Variants in ZFAND6 observed in about 807,000 individuals in gnomAD.
ZFAND6 encodes AN1-type zinc finger protein 6.
A neutral mutation model predicts 24.5 loss-of-function variants in ZFAND6; 12 were observed. The ratio of observed to expected loss-of-function variants is 0.49; its 90% confidence interval spans 0.31 to 0.79. The LOEUF (loss-of-function observed/expected upper bound fraction) is 0.79. Among genes scored for constraint, ZFAND6 ranks in the 30% least tolerant of loss-of-function variants. ZFAND6 has a pLI of 0.04. For synonymous variants in ZFAND6, 92 were observed against 81.5 expected (o/e 1.13, Z -0.69); for missense variants, 207 against 245.9 (o/e 0.84, Z 1.06).
At chr15:80,062,855 C>A (rs999465079) in intron 1 of ZFAND6, among the ~76,000 whole-genome samples, 9 of 152,114 alleles carry the variant, frequency 5.9e-5, no homozygotes, top group East Asian at 1.9e-4. Context: ...TGTGTGTATT[C>A]TTAATATCCT....
At chr15:80,065,757 C>G (rs893675620) in intron 1 of ZFAND6, among the ~76,000 whole-genome samples, 2 of 151,688 alleles carry the variant, frequency 1.3e-5, no homozygotes, top group African/African-American at 4.8e-5. Flanking sequence ...GTTGGCCAAG[C>G]TGGTCTCGAA....
intron 1 of ZFAND6, among the ~76,000 whole-genome samples, chr15:80,094,143 G>A (rs1394933723): frequency 2.6e-5 from 4 of 152,186 alleles, no homozygotes; most frequent in Non-Finnish European, 5.9e-5. Flanking sequence ...TGCTTACCAG[G>A]TTTTATTTTG....
At chr15:80,069,862 C>T (rs1330066928) in intron 1 of ZFAND6, among the ~76,000 whole-genome samples, 1 of 152,098 alleles carries the variant, frequency 6.6e-6, no homozygotes, top group Non-Finnish European at 1.5e-5. Flanking sequence ...CTGCCTCTGC[C>T]TCCGAAAGTG....
intron 1 of ZFAND6, among the ~76,000 whole-genome samples, chr15:80,062,984 C>T (rs1338109313): frequency 6.6e-6 from 1 of 152,166 alleles, no homozygotes; most frequent in African/African-American, 2.4e-5. Flanking sequence ...TCATCTGTTA[C>T]CATTGCTTCA....
At chr15:80,110,211 T>C (rs533322986) in intron 2 of ZFAND6, among the ~76,000 whole-genome samples, 2 of 152,076 alleles carry the variant, frequency 1.3e-5, no homozygotes, top group South Asian at 4.1e-4. Flanking sequence ...ACTGATAAAA[T>C]GTGGGAAGGA....
chr15:80,137,472 A>C lies in ZFAND6; in HGVS notation c.479-8A>C. On this transcript the variant is annotated splice_polypyrimidine_tract_variant and splice_region_variant and intron_variant, in intron 6 of 6. Transcript: ENST00000261749. ...TCAACTCATGTATGTGTATTACTCC[A>C]TTTCCAGGGTTTGAATGCCGGTGTG... 6.2e-7 allele frequency: 1 copy of C among 1,600,740 alleles called. No homozygotes were observed. The highest frequency in any genetic ancestry group is 8.5e-7 in the Non-Finnish European group (1 of 1,176,372).
At chr15:80,124,716 C>G (rs1474611922) in intron 5 of ZFAND6, among the ~76,000 whole-genome samples, 1 of 152,116 alleles carries the variant, frequency 6.6e-6, no homozygotes, top group Non-Finnish European at 1.5e-5. Flanking sequence ...ATTTTTCATA[C>G]ATGATTTGAA....
At chr15:80,077,993 C>A (rs1450401931) in intron 1 of ZFAND6, among the ~76,000 whole-genome samples, 2 of 152,108 alleles carry the variant, frequency 1.3e-5, no homozygotes, top group South Asian at 2.1e-4. Context: ...GCCACCGCGC[C>A]CGGCTTTCAA....
At chr15:80,065,541 T>TTTTTTTTC (rs2036583392) in intron 1 of ZFAND6, among the ~76,000 whole-genome samples, 1 of 29,710 alleles carries the variant, frequency 3.4e-5, no homozygotes, top group Non-Finnish European at 1.2e-4. Flanking sequence ...GTTTTGATTT[T>TTTTTTTTC]TTTTTTTTTT....
chr15:80,073,883 G>A (rs1490313494), intron 1 of ZFAND6, among the ~76,000 whole-genome samples: 5 of 151,606 alleles, frequency 3.3e-5, no homozygotes, highest in Admixed American at 6.6e-5. Context: ...CTAATTTTTC[G>A]TCATTTTTAA....
At chr15:80,112,774 A>G (rs766681943) in intron 2 of ZFAND6, 21 of 455,958 alleles carry the variant, frequency 4.6e-5, no homozygotes, top group Non-Finnish European at 8.4e-5. Context: ...CCCATGTGAT[A>G]GTTGGAGATC....
intron 6 of ZFAND6, among the ~76,000 whole-genome samples, chr15:80,136,778 A>G (rs1185300086): frequency 6.6e-6 from 1 of 152,240 alleles, no homozygotes; most frequent in Non-Finnish European, 1.5e-5. Context: ...TGCACCCATT[A>G]CATCTCGATT....
At chr15:80,062,922 C>G (rs1190147887) in intron 1 of ZFAND6, among the ~76,000 whole-genome samples, 1 of 152,128 alleles carries the variant, frequency 6.6e-6, no homozygotes, top group Non-Finnish European at 1.5e-5. Flanking sequence ...TAAGAACTTA[C>G]CGAAATGTAA....
chr15:80,098,117 G>A (rs2038838020), intron 1 of ZFAND6, among the ~76,000 whole-genome samples: 1 of 152,060 alleles, frequency 6.6e-6, no homozygotes. Flanking sequence ...AAATAAATTA[G>A]CTAGACTTAA....
chr15:80,110,635 T>C (rs374783184), intron 2 of ZFAND6, among the ~76,000 whole-genome samples: 1 of 151,550 alleles, frequency 6.6e-6, no homozygotes, highest in South Asian at 2.1e-4. Flanking sequence ...TAATTTAGAA[T>C]AGGATAGAGA....
At chr15:80,119,139 T>C (rs1424986456) in intron 2 of ZFAND6, among the ~76,000 whole-genome samples, 2 of 152,182 alleles carry the variant, frequency 1.3e-5, no homozygotes, top group Non-Finnish European at 2.9e-5. Flanking sequence ...CCAGTTGCTT[T>C]ATGGGAGAAA....
chr15:80,119,560 T>C (rs2040052723), intron 2 of ZFAND6, among the ~76,000 whole-genome samples: 1 of 144,338 alleles, frequency 6.9e-6, no homozygotes, highest in African/African-American at 2.5e-5. Context: ...TGCATAACTT[T>C]TGTCATTTAT....
At chr15:80,134,797 A>G (rs1219117663) in intron 6 of ZFAND6, among the ~76,000 whole-genome samples, 1 of 91,650 alleles carries the variant, frequency 1.1e-5, no homozygotes, top group Non-Finnish European at 2.8e-5. Flanking sequence ...AAGACATAGA[A>G]AAAGAGAAAA....
intron 2 of ZFAND6, among the ~76,000 whole-genome samples, chr15:80,101,988 G>GT (rs1166982328): frequency 6.6e-6 from 1 of 151,278 alleles, no homozygotes; most frequent in Admixed American, 6.6e-5. Context: ...AGAGAACGGG[G>GT]TTTTTTAGCA....
Sources: allele counts gnomAD v4.1 joint callset (sites outside exome capture counted in the v4.1 genomes callset), GRCh38; gene constraint gnomAD v4.1.1; transcripts MANE v1.5; gene names NCBI Gene and HGNC (gene_info 2026-07-23, HGNC 2026-07-21).